Variants in KIR2DL1 observed in about 807,000 individuals in gnomAD.
KIR2DL1 encodes killer cell immunoglobulin like receptor, two Ig domains and long cytoplasmic tail 1.
In KIR2DL1, 38 loss-of-function variants were observed where a neutral mutation model predicts 33.9. The observed-to-expected ratio is 1.12, with a 90% CI of 0.86 to 1.47. The LOEUF (loss-of-function observed/expected upper bound fraction) is 1.47. Among genes scored for constraint, KIR2DL1 ranks in the 40% most tolerant of loss-of-function variants. The pLI is 0.00. For synonymous variants in KIR2DL1, 179 were observed against 165.9 expected, an observed-to-expected ratio of 1.08 and a Z score of -0.61; for missense variants, 531 against 433.9, an observed-to-expected ratio of 1.22 and a Z score of -1.99.
At chr19:54,774,259 C>G (rs777679031) in intron 3 of KIR2DL1, among the ~76,000 whole-genome samples, 32 of 148,044 alleles carry the variant, frequency 2.2e-4, no homozygotes, top group South Asian at 4.3e-4. Context: ...TCAGGGACAC[C>G]AAAAAGCAAA....
At chr19:54,778,898 C>G (rs1455990319) in intron 5 of KIR2DL1, among the ~76,000 whole-genome samples, 6 of 148,450 alleles carry the variant, frequency 4.0e-5, no homozygotes, top group Non-Finnish European at 7.5e-5. Flanking sequence ...AGAATGATTG[C>G]CAATCTGACA....
At position 54,775,806 on chromosome 19, in the gene KIR2DL1, A is replaced by C. The variant is rs377179291; in HGVS notation, c.664+348A>C. 1.3e-5 allele frequency among the ~76,000 whole-genome samples: 2 copies of C among 148,884 alleles called. 1 individual carries two copies. The highest frequency in any genetic ancestry group is 4.9e-5 in the African/African-American group (2 of 40,816). On this transcript the variant is annotated intron_variant, in intron 4 of 7. Coordinates refer to ENST00000336077, the MANE Select transcript of KIR2DL1 (RefSeq NM_014218.3). ...CCATCCTGGCCTCTCACCCACACAG[A>C]GATGTCATCACCAGCAACCCCTACA...
chr19:54,778,266 A>G (rs1453917756), intron 4 of KIR2DL1, among the ~76,000 whole-genome samples: 1 of 149,670 alleles, frequency 6.7e-6, no homozygotes, highest in Non-Finnish European at 1.5e-5. Flanking sequence ...CTCAAAAGAA[A>G]AAATAAAAAA....
At chr19:54,783,372 G>T in intron 6 of KIR2DL1, 114 bp from the exon 7 acceptor site, 2 of 1,170,710 alleles carry the variant, frequency 1.7e-6, no homozygotes, top group Non-Finnish European at 2.5e-6. Flanking sequence ...TCTGCTGTTG[G>T]CAACTGAGGG....
intron 2 of KIR2DL1, among the ~76,000 whole-genome samples, chr19:54,772,854 T>G (rs1446741057): frequency 2.1e-5 from 3 of 145,014 alleles, no homozygotes; most frequent in African/African-American, 7.6e-5. Flanking sequence ...AGCCAGCCTA[T>G]GGAAGCTGGC....
At chr19:54,782,394 C>T in intron 5 of KIR2DL1, among the ~76,000 whole-genome samples, 1 of 152,034 alleles carries the variant, frequency 6.6e-6, no homozygotes, top group Admixed American at 6.5e-5. Flanking sequence ...AGCATGGCAC[C>T]AGCATCTATT....
intron 5 of KIR2DL1, among the ~76,000 whole-genome samples, chr19:54,782,134 T>A (rs2077036169): frequency 6.6e-6 from 1 of 151,916 alleles, no homozygotes; most frequent in East Asian, 1.9e-4. Flanking sequence ...GCAGTGTAGC[T>A]GCGGGAAGCC....
chr19:54,776,229 A>G (rs1240865283), intron 4 of KIR2DL1, among the ~76,000 whole-genome samples: 7 of 143,108 alleles, frequency 4.9e-5, no homozygotes, highest in Non-Finnish European at 1.1e-4. Context: ...GTGGTCATAA[A>G]TACATTTTTA....
At chr19:54,778,532 A>G in intron 4 of KIR2DL1, 80 bp from the exon 5 acceptor site, 1 of 1,364,254 alleles carries the variant, frequency 7.3e-7, no homozygotes, top group Non-Finnish European at 1.0e-6. Flanking sequence ...AGTGTTGGCC[A>G]TGAACCATCC....
At chr19:54,774,936 A>G (rs1395838597) in intron 3 of KIR2DL1, among the ~76,000 whole-genome samples, 575 of 148,580 alleles carry the variant, frequency 3.9e-3, no homozygotes, top group African/African-American at 0.013. Context: ...AGAGAATAAA[A>G]CAATCCAAAA....
chr19:54,774,626 CAGAT>C (rs370853794), intron 3 of KIR2DL1, among the ~76,000 whole-genome samples: 14,981 of 126,300 alleles, frequency 0.12, 14 homozygotes, highest in South Asian at 0.2. Context: ...ATGATGAAGA[CAGAT>C]AGATAGATAA....
At chr19:54,769,978 T>G in intron 1 of KIR2DL1, 94 bp downstream of exon 1, 2 of 1,459,230 alleles carry the variant, frequency 1.4e-6, no homozygotes, top group Non-Finnish European at 1.9e-6. Context: ...GTTATGGGCC[T>G]GGAGTGGAGA....
chr19:54,772,557 T>A lies in KIR2DL1; in HGVS notation c.71-776T>A, dbSNP rs373859725. Among the ~76,000 whole-genome samples the A allele has an allele frequency of 2.8e-3, 402 of 145,112 alleles. 16 individuals carry two copies. Among genetic ancestry groups the A allele is most frequent in the African/African-American group, 9.7e-3 (381 of 39,436 alleles). On this transcript the variant is annotated intron_variant, in intron 2 of 7. Transcript: ENST00000336077. ...GACAAGTTAAGAAACAACACAAGGA[T>A]AGCCAGGCATGGTGGCAGGTGCATG... is the stretch of plus-strand genomic sequence containing the variant.
intron 5 of KIR2DL1, among the ~76,000 whole-genome samples, chr19:54,781,482 C>T (rs72489110): frequency 0.016 from 2,268 of 138,990 alleles, 5 homozygotes; most frequent in African/African-American, 0.053. Flanking sequence ...CTTCCAATCA[C>T]CTGTGGAGAT....
At position 54,783,538 on chromosome 19, in the gene KIR2DL1, G is replaced by A. The variant is rs2077295326; in HGVS notation, c.870G>A (p.Glu290=). 2 of 1,613,690 alleles carry A rather than the reference G, an allele frequency of 1.2e-6. No individual in the cohort carries two copies. The highest frequency in any genetic ancestry group is 8.5e-7 in the Non-Finnish European group (1 of 1,179,908). ...ESAGNRTANS[E]DSDEQDPQEV... ...CAGGAAACAGAACAGCGAATAGCGAGGTAGGTACTCCTCGGCCCGGGCTCG... is the reference window on the plus strand; with the variant it reads ...CAGGAAACAGAACAGCGAATAGCGAAGTAGGTACTCCTCGGCCCGGGCTCG... Residue 290 remains glutamate (E), a splice_region_variant and synonymous_variant, in exon 7 of 8, where the codon GAG becomes GAA. Transcript: ENST00000336077.
intron 4 of KIR2DL1, among the ~76,000 whole-genome samples, chr19:54,776,375 A>G (rs1386310527): frequency 4.8e-5 from 7 of 144,650 alleles, no homozygotes; most frequent in African/African-American, 1.8e-4. Flanking sequence ...AATCTTTTTA[A>G]TGACCTCCAG....
At chr19:54,770,736 T>C in intron 1 of KIR2DL1, 113 bp from the exon 2 acceptor site, 1 of 1,435,382 alleles carries the variant, frequency 7.0e-7, no homozygotes, top group Non-Finnish European at 9.8e-7. Context: ...TGAGGGTGAG[T>C]TTACCTTCAG....
Position 54,775,232 on chromosome 19 carries a change from C to T in KIR2DL1, c.438C>T (p.Thr146=), listed in dbSNP as rs2076180785. ...GPTVLAGENV[T]LSCSSRSSYD... ...CGGTTCTGGCAGGAGAGAATGTGAC[C>T]TTGTCCTGCAGCTCCCGGAGCTCCT... Residue 146 remains threonine (T), a synonymous_variant, in exon 4 of 8, where the codon ACC becomes ACT. Coordinates refer to ENST00000336077, the MANE Select transcript of KIR2DL1 (RefSeq NM_014218.3). The T allele has an allele frequency of 6.2e-7, 1 of 1,602,854 alleles. No homozygotes were observed. Among genetic ancestry groups the T allele is most frequent in the Admixed American group, 1.7e-5 (1 of 59,330 alleles).
chr19:54,782,136 C>T (rs2916010), intron 5 of KIR2DL1, among the ~76,000 whole-genome samples: 40 of 150,112 alleles, frequency 2.7e-4, no homozygotes, highest in African/African-American at 7.5e-4. Context: ...AGTGTAGCTG[C>T]GGGAAGCCAG....
Sources: gnomAD v4.1 joint callset for allele counts (sites outside exome capture counted in the v4.1 genomes callset) on GRCh38, gnomAD v4.1.1 for gene constraint, MANE v1.5 for transcripts, NCBI Gene and HGNC (gene_info 2026-07-23, HGNC 2026-07-21) for gene names.